The following PNLDC1 variants were observed in gnomAD, a reference collection of about 807,000 sequenced individuals.
The protein encoded by PNLDC1 is PARN like ribonuclease domain containing exonuclease 1, also known as poly(A)-specific ribonuclease PNLDC1.
PNLDC1 carries 70 observed loss-of-function variants against 82.0 expected under a neutral mutation model. The observed-to-expected ratio is 0.85, with a 90% confidence interval of 0.70 to 1.04. The LOEUF (loss-of-function observed/expected upper bound fraction) is 1.04. Ranked by LOEUF, PNLDC1 falls within the 50% of genes least tolerant of loss-of-function variation. The pLI is 0.00. For missense variants in PNLDC1, 631 were observed against 661.1 expected, an observed-to-expected ratio of 0.95 and a Z score of 0.50; for synonymous variants, 280 against 249.3, an observed-to-expected ratio of 1.12 and a Z score of -1.16.
At chr6:159,806,751 C>G (rs1781461811) in intron 7 of PNLDC1, among the ~76,000 whole-genome samples, 1 of 152,110 alleles carries the variant, frequency 6.6e-6, no homozygotes, top group African/African-American at 2.4e-5. Flanking sequence ...CTTTTGATTA[C>G]TCATCTTTTA....
At chr6:159,820,425 G>A (rs1003709664) in intron 18 of PNLDC1, 29 bp from the exon 19 acceptor site, 20 of 1,612,998 alleles carry the variant, frequency 1.2e-5, no homozygotes, top group East Asian at 4.5e-5. Flanking sequence ...TGGGTGCCCC[G>A]GCCACTGACA....
Position 159,803,845 on chromosome 6 carries a change from C to T in PNLDC1, c.249-120C>T, listed in dbSNP as rs558106984. ...ATCATAGCTCCTGAAACACAGCAGA[C>T]ACTCGGGCACACTCAGATTCTTCTT... On this transcript the variant is annotated intron_variant, in intron 4 of 18. Transcript: ENST00000392167. 2.8e-5 allele frequency: 31 copies of T among 1,114,714 alleles called. No individual in the cohort carries two copies. The East Asian group carries it at 7.0e-4, about 25-fold the overall frequency. The allele number at this position is 1,114,714 out of a possible 1,614,324, so 69.1% of individuals were successfully genotyped here.
Position 159,818,670 on chromosome 6 carries a change from T to G in PNLDC1, c.1257+16T>G. The G allele has an allele frequency of 6.2e-7, 1 of 1,605,540 alleles. No homozygotes were observed. The highest frequency in any genetic ancestry group is 8.5e-7 in the Non-Finnish European group (1 of 1,172,980). On this transcript the variant is annotated intron_variant, in intron 16 of 18. Coordinates refer to ENST00000392167, the MANE Select transcript of PNLDC1 (RefSeq NM_001271862.2). ...CCCAAAGATCGTGAGTAGATCTCATTTGGCCCCCTCGCCCCATTCAGAGTT... is the reference window on the plus strand; with the variant it reads ...CCCAAAGATCGTGAGTAGATCTCATGTGGCCCCCTCGCCCCATTCAGAGTT...
chr6:159,800,528 G>A (rs12211823), intron 1 of PNLDC1, 145 bp downstream of exon 1: 297,972 of 1,305,788 alleles, frequency 0.23, 35,093 homozygotes, highest in East Asian at 0.38. Flanking sequence ...CTCCAGCCCC[G>A]GGGCGGTGGG....
intron 8 of PNLDC1, 59 bp downstream of exon 8, chr6:159,808,875 C>A: frequency 6.3e-7 from 1 of 1,599,204 alleles, no homozygotes; most frequent in Non-Finnish European, 8.6e-7. Context: ...TCATAATTGG[C>A]CAAATCTGGC....
At chr6:159,801,715 G>A (rs918646868) in intron 3 of PNLDC1, among the ~76,000 whole-genome samples, 15 of 151,884 alleles carry the variant, frequency 9.9e-5, no homozygotes, top group East Asian at 5.8e-4. Flanking sequence ...CAAAGTGATG[G>A]AATTATAAGC....
intron 18 of PNLDC1, among the ~76,000 whole-genome samples, chr6:159,820,245 G>A (rs915658091): frequency 8.5e-5 from 13 of 152,196 alleles, no homozygotes; most frequent in Non-Finnish European, 1.5e-4. Flanking sequence ...AGTGAGCTCC[G>A]AGGCAAACCC....
At chr6:159,817,232 C>T in intron 15 of PNLDC1, 81 bp downstream of exon 15, 2 of 1,262,572 alleles carry the variant, frequency 1.6e-6, no homozygotes, top group South Asian at 1.2e-5. Context: ...AACACCTCTC[C>T]AGTCCCAGGG....
chr6:159,803,395 C>A, intron 4 of PNLDC1, 85 bp downstream of exon 4: 1 of 1,307,458 alleles, frequency 7.6e-7, no homozygotes, highest in Non-Finnish European at 1.1e-6. Context: ...TCAGGTGCCC[C>A]GATCACTTTT....
At chr6:159,804,206 T>C (rs1188255595) in intron 5 of PNLDC1, 118 bp downstream of exon 5, 1 of 1,227,110 alleles carries the variant, frequency 8.1e-7, no homozygotes, top group Non-Finnish European at 1.1e-6. Flanking sequence ...GTTCAAGTGA[T>C]TTTCCTGCTT....
intron 13 of PNLDC1, among the ~76,000 whole-genome samples, chr6:159,816,284 G>A (rs955841697): frequency 1.3e-5 from 2 of 149,644 alleles, no homozygotes; most frequent in African/African-American, 4.9e-5. Context: ...CCAAATGAGC[G>A]AGCCCAGAAT....
chr6:159,799,705 GA>G (rs1781164454), upstream of PNLDC1, among the ~76,000 whole-genome samples: 1 of 152,122 alleles, frequency 6.6e-6, no homozygotes, highest in Non-Finnish European at 1.5e-5. Context: ...AATCCCTGGG[GA>G]CCAAGGATTC....
Position 159,816,053 on chromosome 6 carries a change from T to C in PNLDC1, c.1060+20T>C. The C allele has an allele frequency of 6.4e-7, 1 of 1,559,366 alleles. No individual in the cohort carries two copies. Among genetic ancestry groups the C allele is most frequent in the Non-Finnish European group, 8.7e-7 (1 of 1,150,254 alleles). On this transcript the variant is annotated intron_variant, in intron 13 of 18. Transcript: ENST00000392167. Reference sequence around the variant, plus strand: ...AATATGGTACGTTCCCATGAGCCCATAATCCTTGCACAGTCGGCAGAGTGC... The same window carrying C: ...AATATGGTACGTTCCCATGAGCCCACAATCCTTGCACAGTCGGCAGAGTGC...
rs1469112099 is a variant in PNLDC1, at chr6:159,819,748, T to G, written c.1532+396T>G. ...GCTGATGGGGGTCTTCATTAGAGAC[T>G]TGGAGTGAGCCAGGCGGAGGGGGCA... On this transcript the variant is annotated intron_variant, in intron 18 of 18. Transcript: ENST00000392167. The surrounding 1 kb of genome is among the most constrained non-coding windows in gnomAD (Gnocchi z 4.6). Among the ~76,000 whole-genome samples the G allele has an allele frequency of 6.6e-6, 1 of 152,084 alleles. No individual in the cohort carries two copies. The highest frequency in any genetic ancestry group is 1.5e-5 in the Non-Finnish European group (1 of 67,986).
chr6:159,800,398 A>T lies in PNLDC1; in HGVS notation c.76+15A>T. On this transcript the variant is annotated intron_variant, in intron 1 of 18. Transcript: ENST00000392167. ...CGACTTCGTGGGTGAAGAGCCTGGG[A>T]TTCGCGGCTGTGCCGGACAGAGCCC... is the stretch of plus-strand genomic sequence containing the variant. 6.5e-7 allele frequency: 1 copy of T among 1,547,112 alleles called. No individual in the cohort carries two copies. The highest frequency in any genetic ancestry group is 8.7e-7 in the Non-Finnish European group (1 of 1,145,772).
chr6:159,806,215 A>G (rs1240513876), intron 7 of PNLDC1, 132 bp downstream of exon 7: 1 of 704,154 alleles, frequency 1.4e-6, no homozygotes, highest in Non-Finnish European at 2.5e-6. Context: ...TGATGCAAGC[A>G]TTTGTTTGGC....
rs114786162 is a variant in PNLDC1, at chr6:159,818,558, C to T, written c.1161C>T (p.Ile387=). ...AHLLLQKIYH[I]DPVPESSFPQ... ...TTGGGGTTTTCTGTCCTTGCAGCAT[C>T]GACCCCGTGCCCGAGTCATCCTTTC... is the stretch of plus-strand genomic sequence containing the variant. Residue 387 remains isoleucine (I), a synonymous_variant, in exon 16 of 19, where the codon ATC becomes ATT. Coordinates refer to ENST00000392167, the MANE Select transcript of PNLDC1 (RefSeq NM_001271862.2). The T allele has an allele frequency of 4.3e-4, 697 of 1,613,476 alleles. 4 individuals are homozygous for T. In the African/African-American group the frequency reaches 8.4e-3, roughly 19 times the overall value.
chr6:159,820,675 T>C lies in PNLDC1; in HGVS notation c.*158T>C. On this transcript the variant is annotated 3_prime_UTR_variant, in exon 19 of 19. Transcript: ENST00000392167. The stretch of plus-strand genomic sequence containing the variant: ...TGAACGTGAAATTCTGTCAACACTC[T>C]CAATGATAAATCAGTCCTTAGATAT... 3 of 682,570 alleles carry C rather than the reference T, an allele frequency of 4.4e-6. No homozygotes were observed. Among genetic ancestry groups the C allele is most frequent in the Non-Finnish European group, 7.7e-6 (3 of 390,188 alleles). 42.3% of individuals were successfully genotyped at this position (682,570 alleles called of 1,614,324 possible). A position where few individuals can be genotyped will look rare whatever the true frequency, so the allele number is the denominator to read the frequency against.
Position 159,820,482 on chromosome 6 carries a change from C to A in PNLDC1, c.1561C>A (p.Leu521Ile), listed in dbSNP as rs748642370. 3.1e-6 allele frequency: 5 copies of A among 1,614,058 alleles called. No homozygotes were observed. The Admixed American group carries it at 8.3e-5, about 27-fold the overall frequency. The change falls in exon 19 of 19, where the codon CTT (leucine) becomes ATT (isoleucine). Residue 521 changes from leucine (L) to isoleucine (I), a missense_variant. By Grantham distance (5) the Leu-to-Ile change is conservative. Transcript: ENST00000392167. ...QVCGIVTAWA[L>I]LAFILGRSGT ...CTGTGGCATAGTGACTGCCTGGGCC[C>A]TTCTCGCGTTCATCCTTGGAAGATC...
Sources: allele counts gnomAD v4.1 joint callset (sites outside exome capture counted in the v4.1 genomes callset), GRCh38; gene constraint gnomAD v4.1.1; non-coding constraint Gnocchi (gnomAD v3.1); transcripts MANE v1.5; gene names NCBI Gene and HGNC (gene_info 2026-07-23, HGNC 2026-07-21).